The following SLIT2 variants were observed in gnomAD, a reference collection of about 807,000 sequenced individuals.
The protein encoded by SLIT2 is slit homolog 2 protein.
A neutral mutation model predicts 185.7 loss-of-function variants in SLIT2; 41 were observed. That is an observed-to-expected ratio of 0.22 (90% confidence interval 0.17 to 0.29). SLIT2 has a LOEUF of 0.29. SLIT2 is among the 10% of genes least tolerant of loss of function. The pLI, the probability that SLIT2 is intolerant of heterozygous loss-of-function variation, is 1.00. For synonymous variants in SLIT2, 693 were observed against 680.2 expected, an observed-to-expected ratio of 1.02 and a Z score of -0.29; for missense variants, 1,571 against 1,909.0, an observed-to-expected ratio of 0.82 and a Z score of 3.30.
At chr4:20,461,614 C>G (rs182043147) in intron 4 of SLIT2, among the ~76,000 whole-genome samples, 1 of 152,090 alleles carries the variant, frequency 6.6e-6, no homozygotes, top group African/African-American at 2.4e-5. Context: ...TAGGTGCGAT[C>G]AGGGGACTAG....
At chr4:20,357,068 C>A (rs1042642162) in intron 4 of SLIT2, among the ~76,000 whole-genome samples, 3 of 151,826 alleles carry the variant, frequency 2.0e-5, no homozygotes, top group African/African-American at 7.3e-5. Context: ...TTTGTTAAAC[C>A]AGCATTTTGT....
intron 29 of SLIT2, among the ~76,000 whole-genome samples, chr4:20,574,000 G>T (rs913002019): frequency 6.7e-6 from 1 of 148,560 alleles, no homozygotes; most frequent in Admixed American, 6.8e-5. Flanking sequence ...TGTCACCCAG[G>T]CTGGAGTGCA....
At chr4:20,340,438 GTTCA>G (rs1333815076) in intron 4 of SLIT2, among the ~76,000 whole-genome samples, 1 of 151,998 alleles carries the variant, frequency 6.6e-6, no homozygotes, top group Non-Finnish European at 1.5e-5. Context: ...TCTGTATCTT[GTTCA>G]TTCATTAAAT....
At chr4:20,265,446 C>CTT (rs1712931991) in intron 3 of SLIT2, among the ~76,000 whole-genome samples, 1 of 151,776 alleles carries the variant, frequency 6.6e-6, no homozygotes, top group Non-Finnish European at 1.5e-5. Flanking sequence ...GCTTTAAAGA[C>CTT]AATAAAAGGG....
chr4:20,481,185 AT>A (rs1261045167), intron 6 of SLIT2, among the ~76,000 whole-genome samples: 1 of 152,086 alleles, frequency 6.6e-6, no homozygotes, highest in African/African-American at 2.4e-5. Context: ...AAAAAAATAA[AT>A]TTTTTAACCA....
Position 20,569,338 on chromosome 4 carries a change from T to C in SLIT2, c.3088+334T>C, listed in dbSNP as rs536252178. 1.5e-5 allele frequency: 4 copies of C among 266,808 alleles called. No homozygotes were observed. The East Asian group carries it at 3.9e-4, about 26-fold the overall frequency. The allele number at this position is 266,808 out of a possible 1,614,324, so 16.5% of individuals were successfully genotyped here. A position where few individuals can be genotyped will look rare whatever the true frequency, so the allele number is the denominator to read the frequency against. On this transcript the variant is annotated intron_variant, in intron 29 of 36. Transcript: ENST00000504154. ...TGTGCAAACCAATCCCCAGTACCTG[T>C]GTGTAAAGAGGACATTTATTTAATA...
At chr4:20,356,012 C>T (rs1277334689) in intron 4 of SLIT2, among the ~76,000 whole-genome samples, 3 of 151,830 alleles carry the variant, frequency 2.0e-5, no homozygotes, top group Non-Finnish European at 4.4e-5. Context: ...TCAAATAGAG[C>T]CATATATAAT....
chr4:20,616,576 A>C (rs533386487), intron 34 of SLIT2: 1 of 185,960 alleles, frequency 5.4e-6, no homozygotes, highest in Non-Finnish European at 1.1e-5. Flanking sequence ...CCCTTCCCCC[A>C]GTCTTGCCTT....
At chr4:20,456,797 A>C (rs1373104850) in intron 4 of SLIT2, among the ~76,000 whole-genome samples, 1 of 152,136 alleles carries the variant, frequency 6.6e-6, no homozygotes. Flanking sequence ...TTTAAAGTCC[A>C]TCAGCCAAGA....
At chr4:20,393,075 C>T (rs781678345) in intron 4 of SLIT2, among the ~76,000 whole-genome samples, 10 of 151,990 alleles carry the variant, frequency 6.6e-5, no homozygotes, top group South Asian at 2.1e-4. Flanking sequence ...ACTTAAGTAA[C>T]GCATTACACT....
At chr4:20,393,979 A>G (rs1488629309) in intron 4 of SLIT2, among the ~76,000 whole-genome samples, 1 of 151,990 alleles carries the variant, frequency 6.6e-6, no homozygotes, top group Non-Finnish European at 1.5e-5. Flanking sequence ...CTGTATGCAG[A>G]TTGTCTTTGC....
At chr4:20,401,457 A>G (rs1180907762) in intron 4 of SLIT2, among the ~76,000 whole-genome samples, 1 of 151,808 alleles carries the variant, frequency 6.6e-6, no homozygotes, top group East Asian at 1.9e-4. Flanking sequence ...GATATTTTGC[A>G]TCATGTCTCT....
intron 34 of SLIT2, 100 bp downstream of exon 34, chr4:20,610,267 T>C (rs571960160): frequency 9.4e-7 from 1 of 1,060,674 alleles, no homozygotes; most frequent in East Asian, 2.6e-5. Flanking sequence ...GGATTTGTCA[T>C]TGACCAATAG....
intron 4 of SLIT2, among the ~76,000 whole-genome samples, chr4:20,403,837 T>C (rs1397529547): frequency 6.6e-6 from 1 of 151,546 alleles, no homozygotes; most frequent in Non-Finnish European, 1.5e-5. Flanking sequence ...TTTTCTGTTT[T>C]ATAATTGTTA....
In SLIT2 at chr4:20,548,710, A is replaced by G. The variant is rs559003760; in HGVS notation, c.2417+151A>G. 2.4e-5 allele frequency: 15 copies of G among 620,142 alleles called. No individual in the cohort carries two copies. The African/African-American group carries it at 2.6e-4, about 11-fold the overall frequency. 38.4% of individuals were successfully genotyped at this position (620,142 alleles called of 1,614,324 possible). On this transcript the variant is annotated intron_variant, in intron 23 of 36. Coordinates refer to ENST00000504154, the MANE Select transcript of SLIT2 (RefSeq NM_004787.4). ...CAGACAAAACCACGATACGTGAACAATGTAGACATTAGGAAAAGTATTGCG... is the reference window on the plus strand; with the variant it reads ...CAGACAAAACCACGATACGTGAACAGTGTAGACATTAGGAAAAGTATTGCG...
At chr4:20,370,976 T>A (rs1020300524) in intron 4 of SLIT2, among the ~76,000 whole-genome samples, 1 of 152,104 alleles carries the variant, frequency 6.6e-6, no homozygotes, top group African/African-American at 2.4e-5. Flanking sequence ...ATGTCTTGAA[T>A]TGATCATCGT....
At chr4:20,398,697 T>G (rs1726116879) in intron 4 of SLIT2, among the ~76,000 whole-genome samples, 1 of 151,836 alleles carries the variant, frequency 6.6e-6, no homozygotes, top group Admixed American at 6.6e-5. Context: ...CATGTTTATA[T>G]TGATTCTAGG....
chr4:20,616,967 C>G lies in SLIT2; in HGVS notation c.3905C>G (p.Thr1302Ser), dbSNP rs375351643. The change falls in exon 35 of 37, where the codon ACC becomes AGC. Residue 1302 changes from threonine to serine, a missense_variant. By Grantham distance (58) the Thr-to-Ser change is moderately conservative (BLOSUM62 1). Around this residue, in one of 3 missense-constraint regions of SLIT2, gnomAD observed 146 missense variants for 247.4 expected, o/e 0.59. Coordinates refer to ENST00000504154, the MANE Select transcript of SLIT2 (RefSeq NM_004787.4). ...CGCCAGGCCCCTGGGCAGAACGGAA[C>G]CAGCTTCCACGGCTGCATCCGGAAC... ...SLRQAPGQNG[T>S]SFHGCIRNLY... 1.9e-6 allele frequency: 3 copies of G among 1,613,860 alleles called. No homozygotes were observed. In the African/African-American group the frequency reaches 4.0e-5, roughly 22 times the overall value.
chr4:20,402,575 G>C (rs562922770), intron 4 of SLIT2, among the ~76,000 whole-genome samples: 1 of 151,836 alleles, frequency 6.6e-6, no homozygotes, highest in African/African-American at 2.4e-5. Context: ...ATTGTGATAA[G>C]GGAGAAAATT....
Sources: allele counts gnomAD v4.1 joint callset (sites outside exome capture counted in the v4.1 genomes callset), GRCh38; gene constraint gnomAD v4.1.1; regional missense constraint gnomAD v4.1.1; transcripts MANE v1.5; gene names NCBI Gene and HGNC (gene_info 2026-07-23, HGNC 2026-07-21).